The following MASTL variants were observed in gnomAD, a reference collection of about 807,000 sequenced individuals.
MASTL encodes microtubule associated serine/threonine kinase like, also known as serine/threonine-protein kinase greatwall.
A neutral mutation model predicts 82.5 loss-of-function variants in MASTL; 54 were observed. The observed-to-expected ratio is 0.65, with a 90% CI of 0.53 to 0.82. The LOEUF (loss-of-function observed/expected upper bound fraction) is 0.82, where lower values mean the gene tolerates loss of function less well. MASTL is among the 40% of genes least tolerant of loss of function. MASTL has a pLI of 0.00. For synonymous variants in MASTL, 323 were observed against 368.9 expected (o/e 0.88, Z 1.43); for missense variants, 950 against 1,047.8 (o/e 0.91, Z 1.29).
chr10:27,185,150 G>T (rs1320678573), intron 11 of MASTL, among the ~76,000 whole-genome samples: 1 of 152,136 alleles, frequency 6.6e-6, no homozygotes, highest in Non-Finnish European at 1.5e-5. Flanking sequence ...AAAGGGAGAA[G>T]GGGGTGAGCT....
At chr10:27,168,575 G>A (rs1422992491) in intron 7 of MASTL, among the ~76,000 whole-genome samples, 1 of 152,174 alleles carries the variant, frequency 6.6e-6, no homozygotes, top group East Asian at 1.9e-4. Context: ...CCAGCACTTT[G>A]AGAGGCTAAA....
intron 1 of MASTL, among the ~76,000 whole-genome samples, chr10:27,156,193 A>G (rs796908214): frequency 6.4e-4 from 82 of 129,126 alleles, no homozygotes; most frequent in African/African-American, 2.7e-3. Flanking sequence ...TTTAGTAGAG[A>G]CGGGGTTTCT....
At chr10:27,160,768 GA>G (rs1165713191) in intron 3 of MASTL, among the ~76,000 whole-genome samples, 1 of 102,018 alleles carries the variant, frequency 9.8e-6, no homozygotes, top group Admixed American at 9.7e-5. Flanking sequence ...AAAAAGAAAA[GA>G]AAAAAAAGAA....
At chr10:27,164,945 C>T (rs937116822) in intron 4 of MASTL, 119 bp from the exon 5 acceptor site, 6 of 722,874 alleles carry the variant, frequency 8.3e-6, no homozygotes, top group Non-Finnish European at 1.2e-5. Context: ...GCCACTGTCT[C>T]CTTTTTTAAC....
chr10:27,181,409 A>C, intron 10 of MASTL, 71 bp from the exon 11 acceptor site: 1 of 1,150,560 alleles, frequency 8.7e-7, no homozygotes, highest in South Asian at 1.3e-5. Context: ...AAAAAAAAGT[A>C]GTCATTTATC....
chr10:27,168,684 G>C (rs1188945869), intron 7 of MASTL, among the ~76,000 whole-genome samples: 1 of 152,104 alleles, frequency 6.6e-6, no homozygotes, highest in African/African-American at 2.4e-5. Context: ...GGGCGTGGTG[G>C]TGGGCGCCTG....
Position 27,166,502 on chromosome 10 carries a change from G to T in MASTL, c.812-600G>T, listed in dbSNP as rs866498556. On this transcript the variant is annotated intron_variant, in intron 6 of 11. Coordinates refer to ENST00000375940, the MANE Select transcript of MASTL (RefSeq NM_001172303.3). ...TTGCTCCTAGTTATACATTAATTTG[G>T]TGGTTCATACCTGTAAGTACAGCAC... Among the ~76,000 whole-genome samples the T allele has an allele frequency of 1.9e-4, 29 of 152,218 alleles. 1 individual carries two copies. In the Middle Eastern group the frequency reaches 0.014, roughly 71 times the overall value.
chr10:27,156,314 G>T (rs1339747386), intron 1 of MASTL, among the ~76,000 whole-genome samples: 1 of 152,098 alleles, frequency 6.6e-6, no homozygotes, highest in East Asian at 1.9e-4. Flanking sequence ...GTGAGCCACC[G>T]CGCCCGGCGA....
chr10:27,168,678 G>A (rs767466353), intron 7 of MASTL, among the ~76,000 whole-genome samples: 29 of 152,168 alleles, frequency 1.9e-4, no homozygotes, highest in Non-Finnish European at 3.1e-4. Context: ...TTAACTGGGC[G>A]TGGTGGTGGG....
intron 3 of MASTL, 139 bp from the exon 4 acceptor site, chr10:27,160,955 T>C: frequency 1.5e-6 from 1 of 663,800 alleles, no homozygotes; most frequent in South Asian, 1.7e-5. Flanking sequence ...TTCTGTACTT[T>C]TCAAAGCCAT....
chr10:27,171,167 G>A (rs576899044), intron 8 of MASTL, 84 bp downstream of exon 8: 204 of 1,178,988 alleles, frequency 1.7e-4, no homozygotes, highest in Admixed American at 4.0e-4. Flanking sequence ...TAGACTATGC[G>A]GTATTAATCA....
intron 1 of MASTL, among the ~76,000 whole-genome samples, chr10:27,157,046 G>T (rs907980453): frequency 4.0e-5 from 6 of 151,168 alleles, no homozygotes; most frequent in Non-Finnish European, 7.4e-5. Flanking sequence ...CAGGTGATCT[G>T]CCCGCCTCAG....
chr10:27,182,742 C>CA (rs1029029574), intron 11 of MASTL, among the ~76,000 whole-genome samples: 1 of 149,692 alleles, frequency 6.7e-6, no homozygotes, highest in East Asian at 1.9e-4. Flanking sequence ...GACTCTGGCT[C>CA]AAAAAAAATT....
chr10:27,171,984 A>G (rs2136087596), intron 8 of MASTL, among the ~76,000 whole-genome samples: 1 of 151,886 alleles, frequency 6.6e-6, no homozygotes, highest in East Asian at 2.0e-4. Flanking sequence ...ATGTGCCACC[A>G]TGCCCAGCTA....
intron 4 of MASTL, among the ~76,000 whole-genome samples, chr10:27,164,431 G>A (rs1329767696): frequency 6.6e-6 from 1 of 152,190 alleles, no homozygotes; most frequent in African/African-American, 2.4e-5. Flanking sequence ...GAGCCACCAT[G>A]CCTGGATAAG....
At position 27,181,563 on chromosome 10, in the gene MASTL, AAG is replaced by A; in HGVS notation, c.2469_2470del (p.Arg823SerfsTer14). On this transcript the variant is annotated frameshift_variant, in exon 11 of 12. Transcript: ENST00000375940. LOFTEE classifies it high-confidence loss of function. ...AATACTTTTAACCATTGATGATACA[AAG>A]AGAGCTGGAATGAAAGGTATGGTTT... ...VEILLTIDDTKRAGMKELKRH... is the reference protein window; with the variant it reads ...VEILLTIDDTXRAGMKELKRH... The A allele has an allele frequency of 6.2e-7, 1 of 1,609,276 alleles. No individual in the cohort carries two copies. The highest frequency in any genetic ancestry group is 8.5e-7 in the Non-Finnish European group (1 of 1,175,962).
At chr10:27,165,587 A>G (rs11015580) in intron 6 of MASTL, 48 bp downstream of exon 6, 26,459 of 1,576,568 alleles carry the variant, frequency 0.017, 324 homozygotes, top group South Asian at 0.038. Flanking sequence ...TTACACCTGT[A>G]ATACTACCAC....
intron 11 of MASTL, among the ~76,000 whole-genome samples, chr10:27,185,534 G>A (rs1290806065): frequency 1.3e-5 from 2 of 150,842 alleles, no homozygotes; most frequent in Non-Finnish European, 2.9e-5. Flanking sequence ...TCAGGAGGAT[G>A]AGGTGGGAGA....
chr10:27,169,179 T>G (rs1053137261), intron 7 of MASTL, among the ~76,000 whole-genome samples: 6 of 152,216 alleles, frequency 3.9e-5, no homozygotes, highest in Non-Finnish European at 5.9e-5. Flanking sequence ...AATACTTATA[T>G]GAAGTGATAT....
Sources: gnomAD v4.1 joint callset for allele counts (sites outside exome capture counted in the v4.1 genomes callset) on GRCh38, gnomAD v4.1.1 for gene constraint, MANE v1.5 for transcripts, NCBI Gene and HGNC (gene_info 2026-07-23, HGNC 2026-07-21) for gene names.